The following FLII variants were observed in gnomAD, a reference collection of about 807,000 sequenced individuals.
The protein encoded by FLII is FLII actin remodeling protein.
Under a neutral mutation model 156.2 loss-of-function variants are expected in FLII, and 101 were observed. The observed-to-expected ratio is 0.65, with a 90% CI of 0.55 to 0.76. FLII has a LOEUF of 0.76. Ranked by LOEUF, FLII falls within the 30% of genes least tolerant of loss-of-function variation. The pLI is 0.00. For missense variants in FLII, 1,675 were observed against 1,682.8 expected (o/e 1.00, Z 0.08); for synonymous variants, 767 against 685.8 (o/e 1.12, Z -1.85).
Position 18,258,590 on chromosome 17 carries a change from C to A in FLII, c.63+38G>T. 1.3e-6 allele frequency: 2 copies of A among 1,538,238 alleles called. No homozygotes were observed. The highest frequency in any genetic ancestry group is 2.5e-5 in the East Asian group (1 of 39,738). The stretch of plus-strand genomic sequence containing the variant: ...CAAGCGGGCCGGGCGGAAGAGAAGG[C>A]CTGCAGGGAGGCCCGGCACGCGCCC... On this transcript the variant is annotated intron_variant, in intron 1 of 29. Transcript: ENST00000327031. The surrounding 1 kb of genome is among the most constrained non-coding windows in gnomAD (Gnocchi z 4.2).
intron 9 of FLII, 33 bp downstream of exon 9, chr17:18,253,268 A>G: frequency 1.9e-6 from 3 of 1,612,038 alleles, no homozygotes; most frequent in Non-Finnish European, 2.5e-6. Context: ...CTGTGCTGCA[A>G]GTGCCTCTGC....
At chr17:18,252,669 G>C in intron 9 of FLII, 113 bp from the exon 10 acceptor site, 1 of 793,046 alleles carries the variant, frequency 1.3e-6, no homozygotes, top group Non-Finnish European at 2.2e-6. Flanking sequence ...GAACTGGCGG[G>C]GGTCTCCATT....
Position 18,248,009 on chromosome 17 carries a change from C to T in FLII, c.2215G>A (p.Glu739Lys), listed in dbSNP as rs1465263168. ...YKVGLGLGYL[E>K]LPQINYKLSV... ...AGCTTGTAGTTGATCTGTGGCAGCT[C>T]CAGGTAGCCCAAGCCCAGGCCCACC... The change falls in exon 19 of 30, where the codon GAG becomes AAG. Residue 739 changes from glutamate (E) to lysine (K), a missense_variant. By Grantham distance (56) the Glu-to-Lys change is moderately conservative. Transcript: ENST00000327031. The T allele has an allele frequency of 6.2e-7, 1 of 1,613,838 alleles. No homozygotes were observed. Among genetic ancestry groups the T allele is most frequent in the East Asian group, 2.2e-5 (1 of 44,888 alleles).
Position 18,253,544 on chromosome 17 carries a change from G to C in FLII, c.855C>G (p.Pro285=). The change falls in exon 8 of 30, where the codon CCC becomes CCG. Residue 285 remains proline, a splice_region_variant and synonymous_variant. Coordinates refer to ENST00000327031, the MANE Select transcript of FLII (RefSeq NM_002018.4). ...CCCCTACTGAGGGCCTCAGACGCACGGGCAGTGAGGTGAGCTGATTTCGGG... is the reference window on the plus strand; with the variant it reads ...CCCCTACTGAGGGCCTCAGACGCACCGGCAGTGAGGTGAGCTGATTTCGGG... The part of the protein sequence containing the change: ...NLSRNQLTSL[P]SAICKLSKLK... 1 of 1,612,890 alleles carries C rather than the reference G, an allele frequency of 6.2e-7. No homozygotes were observed. The highest frequency in any genetic ancestry group is 8.5e-7 in the Non-Finnish European group (1 of 1,179,086).
At chr17:18,250,259 C>CTT (rs2048218697) in intron 14 of FLII, among the ~76,000 whole-genome samples, 1 of 152,108 alleles carries the variant, frequency 6.6e-6, no homozygotes, top group Non-Finnish European at 1.5e-5. Flanking sequence ...GGTACACAAG[C>CTT]AAGTGGGTTC....
Position 18,247,222 on chromosome 17 carries a change from C to A in FLII, c.2623G>T (p.Ala875Ser). The A allele has an allele frequency of 6.3e-7, 1 of 1,599,440 alleles. No homozygotes were observed. The highest frequency in any genetic ancestry group is 8.5e-7 in the Non-Finnish European group (1 of 1,178,308). ...GGCAGGAAAAGCGCAGTGAGGTCAGCCTTCATCTGGTCTTTCTTCTCGGCG... is the reference window on the plus strand; with the variant it reads ...GGCAGGAAAAGCGCAGTGAGGTCAGACTTCATCTGGTCTTTCTTCTCGGCG... Reference protein sequence around the residue: ...RDAEKKDQMKADLTALFLPRQ... With the variant: ...RDAEKKDQMKSDLTALFLPRQ... Residue 875 changes from alanine to serine, a missense_variant, in exon 21 of 30, where the codon GCT (alanine) becomes TCT (serine). Around this residue, in one of 2 missense-constraint regions of FLII, gnomAD observed 1,332 missense variants for 1,269.3 expected, o/e 1.05. Coordinates refer to ENST00000327031, the MANE Select transcript of FLII (RefSeq NM_002018.4).
intron 9 of FLII, among the ~76,000 whole-genome samples, chr17:18,253,067 T>C (rs1365082993): frequency 6.6e-6 from 1 of 152,156 alleles, no homozygotes; most frequent in Non-Finnish European, 1.5e-5. Flanking sequence ...GGAGATTCGC[T>C]TGAACCTGGG....
rs780122907 is a variant in FLII, at chr17:18,247,840, A to C, written c.2304T>G (p.Ser768Arg). The C allele has an allele frequency of 1.4e-5, 23 of 1,613,788 alleles. No homozygotes were observed. Among genetic ancestry groups the C allele is most frequent in the Non-Finnish European group, 1.8e-5 (21 of 1,179,948 alleles). The change falls in exon 20 of 30, where the codon AGT becomes AGG. Residue 768 changes from serine (S) to arginine (R), a missense_variant. Around this residue, in one of 2 missense-constraint regions of FLII, gnomAD observed 1,332 missense variants for 1,269.3 expected, o/e 1.05. Transcript: ENST00000327031. ...TGTACACGCAGCGCGTGTCCAGCAG[A>C]CTCTGCAGCTGCGGACCGGGAGTCT... is the stretch of plus-strand genomic sequence containing the variant. ...ELMPRMRLLQ[S>R]LLDTRCVYIL... is the part of the protein sequence containing the mutation.
intron 14 of FLII, among the ~76,000 whole-genome samples, chr17:18,250,277 A>T (rs1219926029): frequency 6.6e-6 from 1 of 152,110 alleles, no homozygotes; most frequent in African/African-American, 2.4e-5. Flanking sequence ...TTCATGGAAG[A>T]GTGGAAACCT....
Position 18,253,299 on chromosome 17 carries a change from A to C in FLII, c.1013+2T>G. 6.2e-7 allele frequency: 1 copy of C among 1,613,754 alleles called. No homozygotes were observed. Among genetic ancestry groups the C allele is most frequent in the Non-Finnish European group, 8.5e-7 (1 of 1,180,008 alleles). ...TCTGCTAGCCCCAGCCCTGCCCAGC[A>C]CCTGCAGAGACTTTCAGGGACCAGC... On this transcript the variant is annotated splice_donor_variant, in intron 9 of 29. Coordinates refer to ENST00000327031, the MANE Select transcript of FLII (RefSeq NM_002018.4). LOFTEE classifies it high-confidence loss of function.
intron 28 of FLII, 62 bp downstream of exon 28, chr17:18,245,493 C>T (rs2048006552): frequency 6.2e-7 from 1 of 1,611,986 alleles, no homozygotes. Flanking sequence ...CCGAGAATTC[C>T]CATTTGTAAG....
At chr17:18,254,231 T>G (rs765529958) in intron 6 of FLII, 49 bp from the exon 7 acceptor site, 36 of 1,449,446 alleles carry the variant, frequency 2.5e-5, no homozygotes, top group Non-Finnish European at 3.3e-5. Context: ...CTAGGGAGTG[T>G]TAAGGGTGGG....
Position 18,256,589 on chromosome 17 carries a change from C to T in FLII, c.183G>A (p.Leu61=). 21 of 1,551,638 alleles carry T rather than the reference C, an allele frequency of 1.4e-5. 1 individual carries two copies. Among genetic ancestry groups the T allele is most frequent in the Non-Finnish European group, 1.8e-5 (21 of 1,146,992 alleles). The change falls in exon 3 of 30, where the codon TTG becomes TTA. Residue 61 remains leucine, a synonymous_variant. Coordinates refer to ENST00000327031, the MANE Select transcript of FLII (RefSeq NM_002018.4). The part of the protein sequence containing the change: ...ELAALQKLEH[L]SVSHNNLTTL... ...TGGTCAGGTTGTTGTGGCTCACAGA[C>T]AAGTGTTCCTGGGCCGGAATGGGGA...
intron 16 of FLII, 60 bp downstream of exon 16, chr17:18,249,067 C>T (rs2048177948): frequency 2.6e-6 from 4 of 1,516,656 alleles, no homozygotes; most frequent in Non-Finnish European, 3.7e-6. Context: ...CACACCTGCC[C>T]CCACTGGTGG....
chr17:18,253,977 C>CT, intron 7 of FLII, 102 bp downstream of exon 7: 1 of 889,182 alleles, frequency 1.1e-6, no homozygotes, highest in Non-Finnish European at 1.7e-6. Context: ...CCTTTTCCCT[C>CT]TGGGTATTGG....
At chr17:18,251,091 A>G (rs1281100438) in intron 13 of FLII, 74 bp from the exon 14 acceptor site, 3 of 1,509,204 alleles carry the variant, frequency 2.0e-6, no homozygotes, top group African/African-American at 2.8e-5. Flanking sequence ...CACTCTGAAC[A>G]GCACAGGCTT....
At position 18,252,018 on chromosome 17, in the gene FLII, G is replaced by A. The variant is rs372864870; in HGVS notation, c.1227C>T (p.Thr409=). 84 of 1,612,990 alleles carry A rather than the reference G, an allele frequency of 5.2e-5. 1 individual carries two copies. The Middle Eastern group carries it at 9.9e-4, about 19-fold the overall frequency. ...QLRLAGASPA[T]VAAAAAAGSG... ...ACTCACCAGCTGCAGCTGCAGCCAC[G>A]GTAGCAGGAGAGGCACCCGCTAGCC... Residue 409 remains threonine, a synonymous_variant, in exon 11 of 30, where the codon ACC becomes ACT. Transcript: ENST00000327031.
chr17:18,247,384 T>C (rs1281023656), intron 20 of FLII, 27 bp from the exon 21 acceptor site: 1 of 1,576,036 alleles, frequency 6.3e-7, no homozygotes, highest in South Asian at 1.1e-5. Context: ...CAACTAACCA[T>C]GAGGGGTGCG....
rs770215601 is a variant in FLII, at chr17:18,250,909, G to A, written c.1705C>T (p.Arg569Cys). The change falls in exon 14 of 30, where the codon CGC becomes TGC. Residue 569 changes from arginine to cysteine, a missense_variant. Physicochemically the swap from Arg to Cys is radical, Grantham distance 180 (BLOSUM62 -3). Coordinates refer to ENST00000327031, the MANE Select transcript of FLII (RefSeq NM_002018.4). ...ACSAIHAVNL[R>C]NYLGAECRTV... ...CGGCACTCAGCACCCAGGTAGTTGC[G>A]CAAGTTGACAGCGTGGATGGCAGAG... 1.6e-5 allele frequency: 26 copies of A among 1,613,932 alleles called. No homozygotes were observed. Among genetic ancestry groups the A allele is most frequent in the African/African-American group, 2.7e-5 (2 of 74,930 alleles).
Sources: gnomAD v4.1 joint callset for allele counts (sites outside exome capture counted in the v4.1 genomes callset) on GRCh38, gnomAD v4.1.1 for gene constraint, gnomAD v4.1.1 regional missense constraint, Gnocchi (gnomAD v3.1) non-coding constraint, MANE v1.5 for transcripts, NCBI Gene and HGNC (gene_info 2026-07-23, HGNC 2026-07-21) for gene names.